The following NUDCD1 variants were observed in gnomAD, a reference collection of about 807,000 sequenced individuals.
NUDCD1 encodes NudC domain containing 1.
NUDCD1 carries 60 observed loss-of-function variants against 67.8 expected under a neutral mutation model. The observed-to-expected ratio is 0.88, with a 90% CI of 0.72 to 1.10. The LOEUF (loss-of-function observed/expected upper bound fraction) is 1.10. Ranked by LOEUF, NUDCD1 falls within the 50% of genes least tolerant of loss-of-function variation. The pLI is 0.00. For missense variants in NUDCD1, 643 were observed against 695.0 expected, an observed-to-expected ratio of 0.93 and a Z score of 0.84; for synonymous variants, 244 against 230.8, an observed-to-expected ratio of 1.06 and a Z score of -0.52.
Position 109,293,448 on chromosome 8 carries a change from G to A in NUDCD1, c.536C>T (p.Ser179Phe), listed in dbSNP as rs746548289. Residue 179 changes from serine to phenylalanine, a missense_variant, in exon 4 of 10, where the codon TCT becomes TTT. Coordinates refer to ENST00000239690, the MANE Select transcript of NUDCD1 (RefSeq NM_032869.4). ...TATTCGAAGAAGTAGGGTAGCTATAGAATGTTCTTCAGCATTTAGCAGTGA... is the reference window on the plus strand; with the variant it reads ...TATTCGAAGAAGTAGGGTAGCTATAAAATGTTCTTCAGCATTTAGCAGTGA... ...SISLLNAEEHSIATLLLRIEK... is the reference protein window; with the variant it reads ...SISLLNAEEHFIATLLLRIEK... 5.0e-6 allele frequency: 8 copies of A among 1,592,108 alleles called. No homozygotes were observed. The South Asian group carries it at 6.8e-5, about 13-fold the overall frequency.
chr8:109,332,535 CAT>C (rs1249980163), intron 1 of NUDCD1, among the ~76,000 whole-genome samples: 1 of 152,174 alleles, frequency 6.6e-6, no homozygotes, highest in African/African-American at 2.4e-5. Flanking sequence ...ACCCTCCAAA[CAT>C]ATGAGGAAGT....
chr8:109,299,917 C>T (rs1001795770), intron 2 of NUDCD1, among the ~76,000 whole-genome samples: 7 of 152,208 alleles, frequency 4.6e-5, no homozygotes, highest in African/African-American at 1.7e-4. Context: ...ACAAATGGTA[C>T]ACAACACAGG....
chr8:109,287,558 TGA>T (rs1563672515), intron 5 of NUDCD1, among the ~76,000 whole-genome samples: 4 of 152,104 alleles, frequency 2.6e-5, no homozygotes, highest in African/African-American at 7.2e-5. Context: ...AAATACCACA[TGA>T]CCTCACTTAT....
At position 109,289,606 on chromosome 8, in the gene NUDCD1, G is replaced by T. The variant is rs140165862; in HGVS notation, c.823+145C>A. On this transcript the variant is annotated intron_variant, in intron 5 of 9. Coordinates refer to ENST00000239690, the MANE Select transcript of NUDCD1 (RefSeq NM_032869.4). ...TATTAAGGTGGTATACCTTATAAAAGACTTCTGGAAAATACATGAGAAAAT... is the reference window on the plus strand; with the variant it reads ...TATTAAGGTGGTATACCTTATAAAATACTTCTGGAAAATACATGAGAAAAT... 2.2e-5 allele frequency: 11 copies of T among 504,670 alleles called. No individual in the cohort carries two copies. In the East Asian group the frequency reaches 3.5e-4, roughly 16 times the overall value. 31.3% of individuals were successfully genotyped at this position (504,670 alleles called of 1,614,324 possible).
chr8:109,299,967 T>C (rs149440156), intron 2 of NUDCD1, among the ~76,000 whole-genome samples: 5,065 of 152,168 alleles, frequency 0.033, 113 homozygotes, highest in Middle Eastern at 0.12. Context: ...TGGAGCCTGG[T>C]AGACTTGCTG....
At chr8:109,303,537 G>A (rs1280088153) in intron 2 of NUDCD1, among the ~76,000 whole-genome samples, 2 of 152,050 alleles carry the variant, frequency 1.3e-5, no homozygotes, top group African/African-American at 2.4e-5. Flanking sequence ...CTCCTTGTTA[G>A]TTATCCTCAC....
intron 8 of NUDCD1, among the ~76,000 whole-genome samples, chr8:109,266,063 A>G (rs902036250): frequency 7.2e-5 from 11 of 151,782 alleles, no homozygotes; most frequent in Non-Finnish European, 1.5e-4. Context: ...AGTGTTGTCC[A>G]ACAGAAATAA....
At chr8:109,299,775 C>A (rs1226143873) in intron 2 of NUDCD1, among the ~76,000 whole-genome samples, 2 of 152,174 alleles carry the variant, frequency 1.3e-5, no homozygotes, top group African/African-American at 4.8e-5. Flanking sequence ...GAAAGCACCA[C>A]CTCCTAATAG....
chr8:109,310,445 T>C (rs953118145), intron 2 of NUDCD1, among the ~76,000 whole-genome samples: 8 of 152,226 alleles, frequency 5.3e-5, no homozygotes, highest in African/African-American at 1.9e-4. Context: ...GGATCTTCAT[T>C]TCTCACCTTA....
rs184951672 is a variant in NUDCD1, at chr8:109,310,216, C to G, written c.273+12093G>C. Among the ~76,000 whole-genome samples the G allele has an allele frequency of 3.6e-3, 546 of 152,192 alleles. 3 individuals carry two copies. Among genetic ancestry groups the G allele is most frequent in the Non-Finnish European group, 6.1e-3 (413 of 67,996 alleles). On this transcript the variant is annotated intron_variant, in intron 2 of 9. Coordinates refer to ENST00000239690, the MANE Select transcript of NUDCD1 (RefSeq NM_032869.4). ...AGGCATCACATTTCCTGATTTCAAACTATACTATAAGACCATAGTCACCAA... is the reference window on the plus strand; with the variant it reads ...AGGCATCACATTTCCTGATTTCAAAGTATACTATAAGACCATAGTCACCAA...
intron 8 of NUDCD1, among the ~76,000 whole-genome samples, chr8:109,246,277 A>G (rs968326751): frequency 7.2e-5 from 11 of 152,204 alleles, no homozygotes; most frequent in African/African-American, 2.7e-4. Context: ...ACACTACCAG[A>G]ATTTATGAGC....
At chr8:109,249,781 C>T (rs1426652153) in intron 8 of NUDCD1, among the ~76,000 whole-genome samples, 3 of 150,464 alleles carry the variant, frequency 2.0e-5, no homozygotes, top group Non-Finnish European at 4.4e-5. Flanking sequence ...GCAGTAACTA[C>T]ATATAATTTA....
chr8:109,311,572 T>TATATATATATATATATATATA (rs1554617143), intron 2 of NUDCD1, among the ~76,000 whole-genome samples: 6 of 145,360 alleles, frequency 4.1e-5, no homozygotes, highest in South Asian at 2.3e-4. Context: ...TATATATATA[T>TATATATATATATATATATATA]GATGGGATAC....
At chr8:109,267,216 C>A (rs779638518) in intron 8 of NUDCD1, among the ~76,000 whole-genome samples, 1 of 152,076 alleles carries the variant, frequency 6.6e-6, no homozygotes, top group Admixed American at 6.6e-5. Flanking sequence ...CAGATTATTT[C>A]GCCAACCAGG....
In NUDCD1 at chr8:109,257,250, G is replaced by T. The variant is rs376927599; in HGVS notation, c.1300-11769C>A. Among the ~76,000 whole-genome samples the T allele has an allele frequency of 9.9e-5, 15 of 152,128 alleles. No homozygotes were observed. In the East Asian group the frequency reaches 1.2e-3, roughly 12 times the overall value. On this transcript the variant is annotated intron_variant, in intron 8 of 9. Transcript: ENST00000239690. Reference sequence around the variant, plus strand: ...TACTACCCTGTACACTGAAATCTTGGAGTATCTACAATAAAGTAACTGGAA... The same window carrying T: ...TACTACCCTGTACACTGAAATCTTGTAGTATCTACAATAAAGTAACTGGAA...
At position 109,241,221 on chromosome 8, in the gene NUDCD1, C is replaced by A. The variant is rs1328541974; in HGVS notation, c.*1788G>T. ...AGCTTTCAATTCAACATTAATCATG[C>A]AAAAAAATCACATGCACAAAGAATA... On this transcript the variant is annotated 3_prime_UTR_variant, in exon 10 of 10. Transcript: ENST00000239690. 1.3e-5 allele frequency: 2 copies of A among 151,818 alleles called. No homozygotes were observed. Among genetic ancestry groups the A allele is most frequent in the Non-Finnish European group, 2.9e-5 (2 of 67,958 alleles). 9.4% of individuals were successfully genotyped at this position (151,818 alleles called of 1,614,324 possible). A position where few individuals can be genotyped will look rare whatever the true frequency, so the allele number is the denominator to read the frequency against.
intron 8 of NUDCD1, among the ~76,000 whole-genome samples, chr8:109,254,621 G>C (rs1422280658): frequency 1.3e-5 from 2 of 151,874 alleles, no homozygotes; most frequent in Non-Finnish European, 2.9e-5. Flanking sequence ...TGTAGTCTTT[G>C]AATGAAGACT....
chr8:109,246,503 A>T (rs895264998), intron 8 of NUDCD1, among the ~76,000 whole-genome samples: 2 of 152,240 alleles, frequency 1.3e-5, no homozygotes, highest in Non-Finnish European at 2.9e-5. Context: ...TATCAATGTC[A>T]ATATGTCAAT....
At chr8:109,314,433 G>A (rs1312545293) in intron 2 of NUDCD1, among the ~76,000 whole-genome samples, 1 of 152,116 alleles carries the variant, frequency 6.6e-6, no homozygotes, top group Non-Finnish European at 1.5e-5. Context: ...TTAGAAGAGA[G>A]GTTCAAAAAG....
Sources: allele counts gnomAD v4.1 joint callset (sites outside exome capture counted in the v4.1 genomes callset), GRCh38; gene constraint gnomAD v4.1.1; transcripts MANE v1.5; gene names NCBI Gene and HGNC (gene_info 2026-07-23, HGNC 2026-07-21).